The following MFSD2A variants were observed in gnomAD, a reference collection of about 807,000 sequenced individuals.
MFSD2A encodes sodium-dependent lysophosphatidylcholine symporter 1.
Under a neutral mutation model 64.7 loss-of-function variants are expected in MFSD2A, and 27 were observed. The ratio of observed to expected loss-of-function variants is 0.42; its 90% CI spans 0.31 to 0.58. MFSD2A has a LOEUF of 0.58. Among genes scored for constraint, MFSD2A ranks in the 20% least tolerant of loss-of-function variants. MFSD2A has a pLI of 0.18. For missense variants in MFSD2A, 474 were observed against 679.5 expected, an observed-to-expected ratio of 0.70 and a Z score of 3.36; for synonymous variants, 258 against 273.4, an observed-to-expected ratio of 0.94 and a Z score of 0.55.
chr1:39,961,124 T>C (rs1645031300), intron 3 of MFSD2A, among the ~76,000 whole-genome samples: 1 of 151,702 alleles, frequency 6.6e-6, no homozygotes, highest in African/African-American at 2.4e-5. Context: ...GCCAGACCTC[T>C]CCATCCATAC....
In MFSD2A at chr1:39,958,640, C is replaced by A; in HGVS notation, c.229-61C>A. 6.2e-7 allele frequency: 1 copy of A among 1,613,970 alleles called. No individual in the cohort carries two copies. The highest frequency in any genetic ancestry group is 8.5e-7 in the Non-Finnish European group (1 of 1,179,944). On this transcript the variant is annotated intron_variant, in intron 2 of 13. Transcript: ENST00000372811. The surrounding 1 kb of genome is among the most constrained non-coding windows in gnomAD (Gnocchi z 4.7). The stretch of plus-strand genomic sequence containing the variant: ...GGAGGGAGCCTCTGCTTCTGCCTAC[C>A]AGTGAGAGTTGAGGCGAGTAGAAGG...
Position 39,969,821 on chromosome 1 carries a change from C to T in MFSD2A, c.*253C>T. On this transcript the variant is annotated 3_prime_UTR_variant, in exon 14 of 14. Coordinates refer to ENST00000372811, the MANE Select transcript of MFSD2A (RefSeq NM_032793.5). ...ATGCCAAGGACTGATCGGGCCTAGC[C>T]CGGAACACTAATGTAGAAACCTTTT... is the stretch of plus-strand genomic sequence containing the variant. The T allele has an allele frequency of 1.9e-6, 1 of 513,072 alleles. No homozygotes were observed. Among genetic ancestry groups the T allele is most frequent in the Non-Finnish European group, 3.4e-6 (1 of 295,424 alleles). The allele number at this position is 513,072 out of a possible 1,614,324, so 31.8% of individuals were successfully genotyped here. A position where few individuals can be genotyped will look rare whatever the true frequency, so the allele number is the denominator to read the frequency against.
At position 39,968,157 on chromosome 1, in the gene MFSD2A, C is replaced by T. The variant is rs1022431831; in HGVS notation, c.1209-177C>T. ...GCTCCACTTGCCACGCTGAGCACCT[C>T]CAGGCAGGGTTACTTCCTCTTAGAG... On this transcript the variant is annotated intron_variant, in intron 11 of 13. Coordinates refer to ENST00000372811, the MANE Select transcript of MFSD2A (RefSeq NM_032793.5). The surrounding 1 kb of genome is among the most constrained non-coding windows in gnomAD (Gnocchi z 4.4). The T allele has an allele frequency of 9.1e-6, 7 of 772,010 alleles. No homozygotes were observed. In the African/African-American group the frequency reaches 1.2e-4, roughly 14 times the overall value. The allele number at this position is 772,010 out of a possible 1,614,324, so 47.8% of individuals were successfully genotyped here. A position where few individuals can be genotyped will look rare whatever the true frequency, so the allele number is the denominator to read the frequency against.
At position 39,968,210 on chromosome 1, in the gene MFSD2A, G is replaced by C; in HGVS notation, c.1209-124G>C. On this transcript the variant is annotated intron_variant, in intron 11 of 13. Coordinates refer to ENST00000372811, the MANE Select transcript of MFSD2A (RefSeq NM_032793.5). The surrounding 1 kb of genome is among the most constrained non-coding windows in gnomAD (Gnocchi z 4.4). ...AGAGGCCTTTTCTTATTCATGTGAAGGTCCCATATCCTCACTGAGCTGTGT... is the reference window on the plus strand; with the variant it reads ...AGAGGCCTTTTCTTATTCATGTGAACGTCCCATATCCTCACTGAGCTGTGT... 1 of 1,137,862 alleles carries C rather than the reference G, an allele frequency of 8.8e-7. No homozygotes were observed. The highest frequency in any genetic ancestry group is 1.4e-5 in the South Asian group (1 of 69,756). 70.5% of individuals were successfully genotyped at this position (1,137,862 alleles called of 1,614,324 possible).
chr1:39,969,365 T>C, intron 13 of MFSD2A, 140 bp from the exon 14 acceptor site: 1 of 626,574 alleles, frequency 1.6e-6, no homozygotes, highest in African/African-American at 1.9e-5. Flanking sequence ...CAGTTGAAAG[T>C]GGGAGTGAGC....
rs1194318349 is a variant in MFSD2A at position 39,960,979 on chromosome 1, AC to A, written c.353+2155del. ...GTGTGCATATGACCTCCCTGTCCAA[AC>A]TTTTTTTCCTTTTTGTGGTGAATGG... On this transcript the variant is annotated intron_variant, in intron 3 of 13. Coordinates refer to ENST00000372811, the MANE Select transcript of MFSD2A (RefSeq NM_032793.5). This position sits in a 1 kb window ranked among gnomAD's most constrained non-coding sequence, Gnocchi z 4.8. Among the ~76,000 whole-genome samples, 3 of 151,968 alleles carry A rather than the reference AC, an allele frequency of 2.0e-5. No homozygotes were observed. The highest frequency in any genetic ancestry group is 3.9e-4 in the East Asian group (2 of 5,176).
In MFSD2A at chr1:39,969,895, T is replaced by C. The variant is rs1645246069; in HGVS notation, c.*327T>C. On this transcript the variant is annotated 3_prime_UTR_variant, in exon 14 of 14. Transcript: ENST00000372811. ...CTTAATGACTGTGTACATAGCAATGTGTGTGTATGTATATGTCTGTGAGCT... is the reference window on the plus strand; with the variant it reads ...CTTAATGACTGTGTACATAGCAATGCGTGTGTATGTATATGTCTGTGAGCT... 1 of 359,918 alleles carries C rather than the reference T, an allele frequency of 2.8e-6. No homozygotes were observed. The highest frequency in any genetic ancestry group is 4.1e-5 in the South Asian group (1 of 24,296). 22.3% of individuals were successfully genotyped at this position (359,918 alleles called of 1,614,324 possible). A position where few individuals can be genotyped will look rare whatever the true frequency, so the allele number is the denominator to read the frequency against.
chr1:39,967,903 T>C lies in MFSD2A; in HGVS notation c.1195T>C (p.Phe399Leu). 1.2e-6 allele frequency: 2 copies of C among 1,610,274 alleles called. No homozygotes were observed. Among genetic ancestry groups the C allele is most frequent in the Non-Finnish European group, 1.7e-6 (2 of 1,177,122 alleles). Residue 399 changes from phenylalanine to leucine, a missense_variant, in exon 11 of 14, where the codon TTC (phenylalanine) becomes CTC (leucine). By Grantham distance (22) the Phe-to-Leu change is conservative (BLOSUM62 0). Coordinates refer to ENST00000372811, the MANE Select transcript of MFSD2A (RefSeq NM_032793.5). Reference sequence around the variant, plus strand: ...AGCTGGCATCAGTGTGGCAGCTGCCTTCTTACTACCCTGGTAGGTATATAC... The same window carrying C: ...AGCTGGCATCAGTGTGGCAGCTGCCCTCTTACTACCCTGGTAGGTATATAC... Reference protein sequence around the residue: ...VAAGISVAAAFLLPWSMLPDV... With the variant: ...VAAGISVAAALLLPWSMLPDV...
rs2124773804 is a variant in MFSD2A, at chr1:39,964,989, C to G, written c.354-222C>G. The G allele has an allele frequency of 5.0e-6, 3 of 600,698 alleles. No individual in the cohort carries two copies. Among genetic ancestry groups the G allele is most frequent in the Middle Eastern group, 9.1e-4 (2 of 2,194 alleles). The allele number at this position is 600,698 out of a possible 1,614,324, so 37.2% of individuals were successfully genotyped here. On this transcript the variant is annotated intron_variant, in intron 3 of 13. Transcript: ENST00000372811. The surrounding 1 kb of genome is among the most constrained non-coding windows in gnomAD (Gnocchi z 4.1). ...CAGGCTCTGACCTCACACTCCATGC[C>G]TAGGATTTCAGTCTGGGGTCCCAGT...
Position 39,963,997 on chromosome 1 carries a change from A to G in MFSD2A, c.354-1214A>G, listed in dbSNP as rs1163655075. The stretch of plus-strand genomic sequence containing the variant: ...GTGATCCACTTGACTCAGTCTCCCA[A>G]AGTGCTGGGATTACAGGCATGAGCC... On this transcript the variant is annotated intron_variant, in intron 3 of 13. Coordinates refer to ENST00000372811, the MANE Select transcript of MFSD2A (RefSeq NM_032793.5). This position sits in a 1 kb window ranked among gnomAD's most constrained non-coding sequence, Gnocchi z 4.2. 6.6e-6 allele frequency among the ~76,000 whole-genome samples: 1 copy of G among 152,172 alleles called. No homozygotes were observed. Among genetic ancestry groups the G allele is most frequent in the Non-Finnish European group, 1.5e-5 (1 of 68,020 alleles).
chr1:39,965,825 C>T lies in MFSD2A; in HGVS notation c.557-32C>T. The T allele has an allele frequency of 6.2e-7, 1 of 1,610,992 alleles. No individual in the cohort carries two copies. The highest frequency in any genetic ancestry group is 8.5e-7 in the Non-Finnish European group (1 of 1,178,706). On this transcript the variant is annotated intron_variant, in intron 5 of 13. Transcript: ENST00000372811. This position sits in a 1 kb window ranked among gnomAD's most constrained non-coding sequence, Gnocchi z 5.5. ...CTCCCTGGGCCCACAATCCATGAGG[C>T]CCCTCCAAAACACCTCCTTTTCTCC...
rs1033025729 is a variant in MFSD2A, at chr1:39,968,042, G to C, written c.1208+126G>C. 1.8e-5 allele frequency: 12 copies of C among 661,366 alleles called. No individual in the cohort carries two copies. Among genetic ancestry groups the C allele is most frequent in the Non-Finnish European group, 2.6e-5 (10 of 388,278 alleles). The allele number at this position is 661,366 out of a possible 1,614,324, so 41.0% of individuals were successfully genotyped here. ...ATTCTGTGGGTCCAGGTTAGGAGTG[G>C]GGGAGGTCTGTCCTGTACAGTTGTA... On this transcript the variant is annotated intron_variant, in intron 11 of 13. Transcript: ENST00000372811. This position sits in a 1 kb window ranked among gnomAD's most constrained non-coding sequence, Gnocchi z 4.4.
In MFSD2A at chr1:39,958,890, C is replaced by A; in HGVS notation, c.353+65C>A. On this transcript the variant is annotated intron_variant, in intron 3 of 13. Transcript: ENST00000372811. This position sits in a 1 kb window ranked among gnomAD's most constrained non-coding sequence, Gnocchi z 4.7. The stretch of plus-strand genomic sequence containing the variant: ...ACTTCCAGCATATCTGCTCCTTGGT[C>A]CTTCTCTCTGTCTTGTCACAGGCAG... 2 of 1,500,976 alleles carry A rather than the reference C, an allele frequency of 1.3e-6. No homozygotes were observed. Among genetic ancestry groups the A allele is most frequent in the South Asian group, 2.6e-5 (2 of 75,984 alleles). 93.0% of individuals were successfully genotyped at this position (1,500,976 alleles called of 1,614,324 possible). A position where few individuals can be genotyped will look rare whatever the true frequency, so the allele number is the denominator to read the frequency against.
In MFSD2A at chr1:39,955,679, C is replaced by T. The variant is rs545262589; in HGVS notation, c.93+294C>T. 6.4e-6 allele frequency: 4 copies of T among 626,022 alleles called. No homozygotes were observed. The highest frequency in any genetic ancestry group is 6.1e-5 in the South Asian group (4 of 65,964). The allele number at this position is 626,022 out of a possible 1,614,324, so 38.8% of individuals were successfully genotyped here. ...CCGGTTTCCATTCTTCCGTGTTGAGCGGCTGGGGCTTGCCGCCCCAAACCC... is the reference window on the plus strand; with the variant it reads ...CCGGTTTCCATTCTTCCGTGTTGAGTGGCTGGGGCTTGCCGCCCCAAACCC... On this transcript the variant is annotated intron_variant, in intron 1 of 13. Transcript: ENST00000372811. The surrounding 1 kb of genome is among the most constrained non-coding windows in gnomAD (Gnocchi z 5.9).
Position 39,967,893 on chromosome 1 carries a change from G to A in MFSD2A, c.1185G>A (p.Val395=), listed in dbSNP as rs1645198196. 4 of 1,612,826 alleles carry A rather than the reference G, an allele frequency of 2.5e-6. No individual in the cohort carries two copies. The Admixed American group carries it at 5.0e-5, about 20-fold the overall frequency. The change falls in exon 11 of 14, where the codon GTG becomes GTA. Residue 395 remains valine (V), a synonymous_variant. Coordinates refer to ENST00000372811, the MANE Select transcript of MFSD2A (RefSeq NM_032793.5). ...YAVAVAAGIS[V]AAAFLLPWSM... is the part of the protein sequence containing the mutation. ...TAGCTGTGGCAGCTGGCATCAGTGT[G>A]GCAGCTGCCTTCTTACTACCCTGGT...
At chr1:39,956,218 G>T (rs1182798207) in intron 1 of MFSD2A, among the ~76,000 whole-genome samples, 1 of 152,194 alleles carries the variant, frequency 6.6e-6, no homozygotes, top group Non-Finnish European at 1.5e-5. Flanking sequence ...GGAGCTCAGG[G>T]GTGGAGGGCG....
In MFSD2A at chr1:39,967,202, G is replaced by A. The variant is rs549132789; in HGVS notation, c.1011+33G>A. On this transcript the variant is annotated intron_variant, in intron 9 of 13. Coordinates refer to ENST00000372811, the MANE Select transcript of MFSD2A (RefSeq NM_032793.5). ...GGACCTGAGCAGGGGCGGGCAGCCT[G>A]GGCTGAGGTGACATAGGCTGTGGAA... 4.3e-5 allele frequency: 68 copies of A among 1,578,618 alleles called. No homozygotes were observed. In the East Asian group the frequency reaches 1.3e-3, roughly 31 times the overall value.
Position 39,968,169 on chromosome 1 carries a change from A to T in MFSD2A, c.1209-165A>T. 2 of 816,850 alleles carry T rather than the reference A, an allele frequency of 2.4e-6. No homozygotes were observed. Among genetic ancestry groups the T allele is most frequent in the African/African-American group, 1.7e-5 (1 of 57,942 alleles). The allele number at this position is 816,850 out of a possible 1,614,324, so 50.6% of individuals were successfully genotyped here. A position where few individuals can be genotyped will look rare whatever the true frequency, so the allele number is the denominator to read the frequency against. ...ACGCTGAGCACCTCCAGGCAGGGTT[A>T]CTTCCTCTTAGAGCAAGAGGCCTTT... On this transcript the variant is annotated intron_variant, in intron 11 of 13. Transcript: ENST00000372811. The surrounding 1 kb of genome is among the most constrained non-coding windows in gnomAD (Gnocchi z 4.4).
rs1030649941 is a variant in MFSD2A, at chr1:39,963,084, G to A, written c.354-2127G>A. 803 of 1,380,936 alleles carry A rather than the reference G, an allele frequency of 5.8e-4. No homozygotes were observed. Among genetic ancestry groups the A allele is most frequent in the Non-Finnish European group, 7.3e-4 (727 of 999,240 alleles). 85.5% of individuals were successfully genotyped at this position (1,380,936 alleles called of 1,614,324 possible). A position where few individuals can be genotyped will look rare whatever the true frequency, so the allele number is the denominator to read the frequency against. On this transcript the variant is annotated intron_variant, in intron 3 of 13. Transcript: ENST00000372811. The surrounding 1 kb of genome is among the most constrained non-coding windows in gnomAD (Gnocchi z 4.2). ...GAACAAGATCAGCAAGCCCCACACC[G>A]TCCCTTGCAAGGTGACAGGCCGCTG...
Sources: allele counts gnomAD v4.1 joint callset (sites outside exome capture counted in the v4.1 genomes callset), GRCh38; gene constraint gnomAD v4.1.1; non-coding constraint Gnocchi (gnomAD v3.1); transcripts MANE v1.5; gene names NCBI Gene and HGNC (gene_info 2026-07-23, HGNC 2026-07-21).